Variants in CLSTN2 observed in about 807,000 individuals in gnomAD.
CLSTN2 encodes the protein calsyntenin 2.
Under a neutral mutation model 101.2 loss-of-function variants are expected in CLSTN2, and 48 were observed. The observed-to-expected ratio is 0.47, with a 90% confidence interval of 0.38 to 0.60. CLSTN2 has a LOEUF of 0.60. Among genes scored for constraint, CLSTN2 ranks in the 20% least tolerant of loss-of-function variants. CLSTN2 has a pLI of 0.00. For missense variants in CLSTN2, 1,160 were observed against 1,238.2 expected, an observed-to-expected ratio of 0.94 and a Z score of 0.95; for synonymous variants, 481 against 463.6, an observed-to-expected ratio of 1.04 and a Z score of -0.48.
At chr3:140,108,407 C>T (rs1206358738) in intron 1 of CLSTN2, among the ~76,000 whole-genome samples, 3 of 152,202 alleles carry the variant, frequency 2.0e-5, no homozygotes, top group Non-Finnish European at 4.4e-5. Context: ...GCCCATGGAA[C>T]CTGGGAAGCC....
intron 2 of CLSTN2, among the ~76,000 whole-genome samples, chr3:140,265,615 C>T (rs1209384370): frequency 6.6e-6 from 1 of 152,164 alleles, no homozygotes; most frequent in Non-Finnish European, 1.5e-5. Context: ...TCAGCATTGA[C>T]TTTTAACAGT....
rs559678581 is a variant in CLSTN2 at position 140,533,439 on chromosome 3, G to T, written c.1507+953G>T. Among the ~76,000 whole-genome samples, 9 of 152,290 alleles carry T rather than the reference G, an allele frequency of 5.9e-5. No homozygotes were observed. The East Asian group carries it at 1.7e-3, about 29-fold the overall frequency. The stretch of plus-strand genomic sequence containing the variant: ...TATAAGAATATGCCGGCCGTGCACA[G>T]TGGCTCACGCCTGTAATCCCAGCAC... On this transcript the variant is annotated intron_variant, in intron 9 of 16. Transcript: ENST00000458420.
At chr3:140,131,603 C>T (rs559243427) in intron 1 of CLSTN2, among the ~76,000 whole-genome samples, 2 of 152,242 alleles carry the variant, frequency 1.3e-5, no homozygotes, top group African/African-American at 4.8e-5. Flanking sequence ...TGATTTCTAG[C>T]CTGATTTTAA....
In CLSTN2 at chr3:140,175,961, C is replaced by G; in HGVS notation, c.120C>G (p.His40Gln). 1 of 1,611,814 alleles carries G rather than the reference C, an allele frequency of 6.2e-7. No homozygotes were observed. The highest frequency in any genetic ancestry group is 8.5e-7 in the Non-Finnish European group (1 of 1,178,798). The change falls in exon 2 of 17, where the codon CAC becomes CAG. Residue 40 changes from histidine to glutamine, a missense_variant. His to Gln is a conservative substitution (Grantham distance 24, BLOSUM62 0). Coordinates refer to ENST00000458420, the MANE Select transcript of CLSTN2 (RefSeq NM_022131.3). The stretch of plus-strand genomic sequence containing the variant: ...CCCCTTATTTTCTAGTCAATAAGCA[C>G]AAGCCATGGATCGAGACTTCATATC... ...RRLLAAKVNKHKPWIETSYHG... is the reference protein window; with the variant it reads ...RRLLAAKVNKQKPWIETSYHG...
intron 2 of CLSTN2, among the ~76,000 whole-genome samples, chr3:140,277,903 T>C (rs535125306): frequency 9.2e-5 from 14 of 152,354 alleles, no homozygotes; most frequent in African/African-American, 3.1e-4. Context: ...CAAGTAATAA[T>C]TCTTTGTTGG....
At chr3:140,368,481 G>A (rs1388817599) in intron 2 of CLSTN2, among the ~76,000 whole-genome samples, 1 of 152,150 alleles carries the variant, frequency 6.6e-6, no homozygotes, top group African/African-American at 2.4e-5. Flanking sequence ...CATCATCACA[G>A]CCTCTGGCTT....
In CLSTN2 at chr3:140,341,646, C is replaced by A. The variant is rs78407940; in HGVS notation, c.233-61983C>A. ...ACCTTCTTCCACTCAAAACACAGCA[C>A]CCAGCTCAGGACCAGGCACACTGTG... On this transcript the variant is annotated intron_variant, in intron 2 of 16. Transcript: ENST00000458420. Among the ~76,000 whole-genome samples, 1,094 of 152,308 alleles carry A rather than the reference C, an allele frequency of 7.2e-3. 17 individuals are homozygous for A. The highest frequency in any genetic ancestry group is 0.025 in the African/African-American group (1,027 of 41,570).
At chr3:140,319,138 C>T (rs1430887088) in intron 2 of CLSTN2, among the ~76,000 whole-genome samples, 2 of 152,216 alleles carry the variant, frequency 1.3e-5, no homozygotes, top group South Asian at 4.2e-4. Flanking sequence ...AGTCCTAGAT[C>T]GATTAGGATT....
intron 5 of CLSTN2, among the ~76,000 whole-genome samples, chr3:140,437,590 C>T (rs940204740): frequency 3.3e-5 from 5 of 152,320 alleles, no homozygotes; most frequent in Admixed American, 6.5e-5. Context: ...GTGGGGCTCA[C>T]ACTTGCCAAC....
At chr3:140,442,377 G>GC (rs1481103467) in intron 5 of CLSTN2, among the ~76,000 whole-genome samples, 2 of 152,066 alleles carry the variant, frequency 1.3e-5, no homozygotes, top group Non-Finnish European at 2.9e-5. Flanking sequence ...TAAAATGCTT[G>GC]CCCTGCCTTA....
chr3:140,419,692 C>T (rs2088475904), intron 4 of CLSTN2, among the ~76,000 whole-genome samples: 1 of 59,336 alleles, frequency 1.7e-5, no homozygotes, highest in Non-Finnish European at 2.6e-5. Flanking sequence ...CGTATATATA[C>T]GTATATGAAT....
chr3:140,470,378 G>A (rs1199016580), intron 8 of CLSTN2, among the ~76,000 whole-genome samples: 1 of 152,250 alleles, frequency 6.6e-6, no homozygotes, highest in Non-Finnish European at 1.5e-5. Flanking sequence ...GGGGCACCTG[G>A]GGCTGAAAGC....
At position 139,947,858 on chromosome 3, in the gene CLSTN2, T is replaced by C. The variant is rs1363835139; in HGVS notation, c.109+12375T>C. 3.9e-5 allele frequency among the ~76,000 whole-genome samples: 6 copies of C among 151,934 alleles called. No homozygotes were observed. In the South Asian group the frequency reaches 8.4e-4, roughly 21 times the overall value. ...TTTTATTGCACTTGCATTTTTTTTT[T>C]CCTTTTTTAACAACTCCTGCCTCCT... On this transcript the variant is annotated intron_variant, in intron 1 of 16. Transcript: ENST00000458420.
At chr3:140,524,639 C>T (rs568810015) in intron 8 of CLSTN2, among the ~76,000 whole-genome samples, 1 of 152,304 alleles carries the variant, frequency 6.6e-6, no homozygotes, top group South Asian at 2.1e-4. Flanking sequence ...ACAGGACATA[C>T]ATTCTTCTTA....
At chr3:140,274,787 A>G (rs1193642418) in intron 2 of CLSTN2, among the ~76,000 whole-genome samples, 4 of 152,242 alleles carry the variant, frequency 2.6e-5, no homozygotes, top group Non-Finnish European at 5.9e-5. Context: ...AGGATCAGAG[A>G]GAAAAATAAC....
intron 1 of CLSTN2, among the ~76,000 whole-genome samples, chr3:140,066,202 T>G (rs1423412463): frequency 6.6e-6 from 1 of 152,172 alleles, no homozygotes; most frequent in Non-Finnish European, 1.5e-5. Context: ...ATTTTGTGCA[T>G]GTCTCATTCT....
chr3:140,244,483 T>G (rs1479965136), intron 2 of CLSTN2, among the ~76,000 whole-genome samples: 1 of 152,188 alleles, frequency 6.6e-6, no homozygotes, highest in African/African-American at 2.4e-5. Context: ...TCTTAGTGTG[T>G]GTACGTACAC....
Position 140,216,543 on chromosome 3 carries a change from C to T in CLSTN2, c.232+40470C>T, listed in dbSNP as rs182993836. On this transcript the variant is annotated intron_variant, in intron 2 of 16. Transcript: ENST00000458420. ...CCACGTGTGCCTCTTTGCTGTGACTCTTACAAAAATTAAAAAACCAAACCT... is the reference window on the plus strand; with the variant it reads ...CCACGTGTGCCTCTTTGCTGTGACTTTTACAAAAATTAAAAAACCAAACCT... Among the ~76,000 whole-genome samples the T allele has an allele frequency of 7.4e-4, 112 of 152,226 alleles. No homozygotes were observed. In the South Asian group the frequency reaches 7.9e-3, roughly 11 times the overall value.
intron 1 of CLSTN2, among the ~76,000 whole-genome samples, chr3:140,006,975 T>C (rs1560068004): frequency 2.0e-5 from 3 of 152,178 alleles, no homozygotes; most frequent in Non-Finnish European, 4.4e-5. Flanking sequence ...AAATCCATGA[T>C]AAACAAATGT....
Sources: gnomAD v4.1 joint callset for allele counts (sites outside exome capture counted in the v4.1 genomes callset) on GRCh38, gnomAD v4.1.1 for gene constraint, MANE v1.5 for transcripts, NCBI Gene and HGNC (gene_info 2026-07-23, HGNC 2026-07-21) for gene names.